The following CCDC77 variants were observed in gnomAD, a reference collection of about 807,000 sequenced individuals.
The protein encoded by CCDC77 is coiled-coil domain-containing protein 77.
In CCDC77, 56 loss-of-function variants were observed where a neutral mutation model predicts 66.8. The observed-to-expected ratio is 0.84, with a 90% CI of 0.68 to 1.05. The LOEUF (loss-of-function observed/expected upper bound fraction) is 1.05, where lower values mean the gene tolerates loss of function less well. Among genes scored for constraint, CCDC77 ranks in the 50% least tolerant of loss-of-function variants. The pLI, the probability that CCDC77 is intolerant of heterozygous loss-of-function variation, is 0.00. For missense variants in CCDC77, 570 were observed against 576.8 expected (o/e 0.99, Z 0.12); for synonymous variants, 196 against 195.2 (o/e 1.00, Z -0.03).
intron 2 of CCDC77, among the ~76,000 whole-genome samples, chr12:405,986 A>G (rs1160844656): frequency 1.4e-5 from 2 of 147,616 alleles, no homozygotes; most frequent in African/African-American, 2.5e-5. Context: ...TGGCGTGATC[A>G]TGGCTCACTG....
At chr12:397,245 A>G (rs1334492977), upstream of CCDC77, among the ~76,000 whole-genome samples, 2 of 152,194 alleles carry the variant, frequency 1.3e-5, no homozygotes, top group African/African-American at 4.8e-5. Flanking sequence ...GCCTATGGTA[A>G]TAGACCAAGT....
chr12:412,306 A>G (rs550965617), intron 4 of CCDC77, among the ~76,000 whole-genome samples: 1 of 152,304 alleles, frequency 6.6e-6, no homozygotes, highest in East Asian at 1.9e-4. Context: ...TCTGATATCA[A>G]GTCCTTCAAA....
intron 1 of CCDC77, among the ~76,000 whole-genome samples, chr12:393,155 G>A (rs1335254372): frequency 6.6e-6 from 1 of 152,024 alleles, no homozygotes; most frequent in Non-Finnish European, 1.5e-5. Flanking sequence ...GTGTCACTCC[G>A]TTGCCCAGTT....
rs987809254 is a variant in CCDC77 at position 406,992 on chromosome 12, C to T, written c.-17+1428C>T. 5.9e-5 allele frequency among the ~76,000 whole-genome samples: 9 copies of T among 152,116 alleles called. No homozygotes were observed. The East Asian group carries it at 1.3e-3, about 23-fold the overall frequency. On this transcript the variant is annotated intron_variant, in intron 2 of 12. Coordinates refer to ENST00000239830, the MANE Select transcript of CCDC77 (RefSeq NM_032358.4). The stretch of plus-strand genomic sequence containing the variant: ...AGGAGACCAGTTAAGAGACCGTTGT[C>T]GTCATCTGGGCAACAGATAGCAGTG...
chr12:409,831 T>TA (rs57102155), intron 3 of CCDC77: 95,354 of 136,676 alleles, frequency 0.7, 33,502 homozygotes, highest in East Asian at 0.83. Context: ...CCGTCTCTAC[T>TA]AAAAAAAAAA....
intron 10 of CCDC77, among the ~76,000 whole-genome samples, chr12:440,117 T>C (rs1306497400): frequency 6.6e-6 from 1 of 152,228 alleles, no homozygotes; most frequent in Non-Finnish European, 1.5e-5. Flanking sequence ...CAGCAGCCAG[T>C]TGTGGAGGGC....
At chr12:435,308 T>A (rs111607139) in intron 9 of CCDC77, among the ~76,000 whole-genome samples, 7 of 122,872 alleles carry the variant, frequency 5.7e-5, no homozygotes, top group African/African-American at 1.2e-4. Flanking sequence ...TCATGGTATC[T>A]CATGTATTCC....
intron 1 of CCDC77, among the ~76,000 whole-genome samples, chr12:404,830 C>T (rs1351390609): frequency 1.3e-5 from 2 of 150,754 alleles, no homozygotes; most frequent in South Asian, 4.2e-4. Flanking sequence ...TCAAGCAATT[C>T]TCCTGCCTCA....
Position 430,873 on chromosome 12 carries a change from G to T in CCDC77, c.583+137G>T. On this transcript the variant is annotated intron_variant, in intron 7 of 12. Coordinates refer to ENST00000239830, the MANE Select transcript of CCDC77 (RefSeq NM_032358.4). Reference sequence around the variant, plus strand: ...GTTGGTGGATCACCTGAGGTCAGGAGTTCGAGACCAGCCTGGCCAACATGG... The same window carrying T: ...GTTGGTGGATCACCTGAGGTCAGGATTTCGAGACCAGCCTGGCCAACATGG... The T allele has an allele frequency of 4.5e-6, 3 of 666,298 alleles. No homozygotes were observed. In the South Asian group the frequency reaches 4.6e-5, roughly 10 times the overall value. 41.3% of individuals were successfully genotyped at this position (666,298 alleles called of 1,614,324 possible).
chr12:426,187 A>C (rs965239676), intron 5 of CCDC77, among the ~76,000 whole-genome samples: 2 of 152,190 alleles, frequency 1.3e-5, no homozygotes, highest in African/African-American at 4.8e-5. Context: ...CTGTATTGAC[A>C]GAAAGTAAAA....
intron 4 of CCDC77, among the ~76,000 whole-genome samples, chr12:417,880 C>T (rs1043444883): frequency 4.6e-5 from 7 of 150,734 alleles, no homozygotes; most frequent in African/African-American, 1.7e-4. Context: ...CCAGCCTGGG[C>T]GACAGAGTGA....
chr12:415,751 G>A (rs978158037), intron 4 of CCDC77, among the ~76,000 whole-genome samples: 2 of 151,810 alleles, frequency 1.3e-5, no homozygotes, highest in Non-Finnish European at 2.9e-5. Flanking sequence ...GCCTGCCTCA[G>A]CCTCCCAAGT....
intron 5 of CCDC77, among the ~76,000 whole-genome samples, chr12:419,749 A>G (rs1217320030): frequency 9.2e-4 from 1 of 1,090 alleles, no homozygotes; most frequent in Non-Finnish European, 2.0e-3. Flanking sequence ...TGGGAGTGAG[A>G]GGGTAAAATA....
intron 4 of CCDC77, among the ~76,000 whole-genome samples, chr12:414,041 T>C (rs1451601931): frequency 6.6e-6 from 1 of 151,804 alleles, no homozygotes; most frequent in Non-Finnish European, 1.5e-5. Context: ...CCCTTTGCAG[T>C]GTCTGTCACT....
At chr12:418,448 T>G (rs974963852) in intron 4 of CCDC77, 46 bp from the exon 5 acceptor site, 1 of 1,597,708 alleles carries the variant, frequency 6.3e-7, no homozygotes, top group African/African-American at 1.3e-5. Flanking sequence ...AGATACTCCA[T>G]TGAAACCCAG....
At chr12:439,255 C>G (rs57196836) in intron 10 of CCDC77, among the ~76,000 whole-genome samples, 2,432 of 152,172 alleles carry the variant, frequency 0.016, 117 homozygotes, top group South Asian at 0.13. Flanking sequence ...CGCGATGGCT[C>G]ACACCTGTAA....
intron 5 of CCDC77, among the ~76,000 whole-genome samples, chr12:428,501 ACT>A (rs1381989510): frequency 8.7e-6 from 1 of 114,646 alleles, no homozygotes; most frequent in East Asian, 2.5e-4. Context: ...ACAGAGCGAG[ACT>A]CTGTCTCAAA....
chr12:397,315 C>T (rs926676725), upstream of CCDC77, among the ~76,000 whole-genome samples: 2 of 152,026 alleles, frequency 1.3e-5, no homozygotes, highest in African/African-American at 4.8e-5. Context: ...GACAGGCTCA[C>T]CATGACTTGA....
rs1188473854 is a variant in CCDC77, at chr12:438,341, C to T, written c.828C>T (p.His276=). Reference sequence around the variant, plus strand: ...TTTATACTTTCTTTCCTAGTCTTCACCACACCCAAGAACTGCTCTATGAGA... The same window carrying T: ...TTTATACTTTCTTTCCTAGTCTTCATCACACCCAAGAACTGCTCTATGAGA... ...NKIKELTKNL[H]HTQELLYEST... is the part of the protein sequence containing the mutation. The change falls in exon 10 of 13, where the codon CAC becomes CAT. Residue 276 remains histidine, a synonymous_variant. Transcript: ENST00000239830. The T allele has an allele frequency of 1.9e-6, 3 of 1,610,812 alleles. No individual in the cohort carries two copies. Among genetic ancestry groups the T allele is most frequent in the Non-Finnish European group, 2.5e-6 (3 of 1,178,474 alleles).
Sources: allele counts gnomAD v4.1 joint callset (sites outside exome capture counted in the v4.1 genomes callset), GRCh38; gene constraint gnomAD v4.1.1; transcripts MANE v1.5; gene names NCBI Gene and HGNC (gene_info 2026-07-23, HGNC 2026-07-21).